Variants in TBX5 observed in about 807,000 individuals in gnomAD.
TBX5 encodes T-box transcription factor 5.
Under a neutral mutation model 51.1 loss-of-function variants are expected in TBX5, and 8 were observed. That is an observed-to-expected ratio of 0.16 (90% CI 0.09 to 0.28). TBX5 has a LOEUF of 0.28. Ranked by LOEUF, TBX5 falls within the 10% of genes least tolerant of loss-of-function variation. The pLI, the probability that TBX5 is intolerant of heterozygous loss-of-function variation, is 1.00. For synonymous variants in TBX5, 302 were observed against 266.4 expected, an observed-to-expected ratio of 1.13 and a Z score of -1.30; for missense variants, 589 against 671.7, an observed-to-expected ratio of 0.88 and a Z score of 1.36.
At chr12:114,399,723 T>C in intron 3 of TBX5, 91 bp from the exon 4 acceptor site, 1 of 1,594,834 alleles carries the variant, frequency 6.3e-7, no homozygotes, top group East Asian at 2.2e-5. Context: ...AAAAAGCAAT[T>C]CCTGGAGAAA....
intron 8 of TBX5, among the ~76,000 whole-genome samples, chr12:114,357,614 T>C (rs191216526): frequency 1.1e-3 from 169 of 152,316 alleles, no homozygotes; most frequent in African/African-American, 4.0e-3. Flanking sequence ...ACAGCTCTTG[T>C]TGCAGGGCTA....
intron 1 of TBX5, 67 bp downstream of exon 1, chr12:114,405,561 C>A: frequency 3.2e-6 from 1 of 314,546 alleles, no homozygotes; most frequent in Non-Finnish European, 4.6e-6. Flanking sequence ...GCCATTCCCG[C>A]CGCCCCAGCC....
rs1868841528 is a variant in TBX5, at chr12:114,355,601, A to G, written c.1488T>C (p.Thr496=). The change falls in exon 9 of 9, where the codon ACT becomes ACC. Residue 496 remains threonine, a synonymous_variant. Coordinates refer to ENST00000405440, the MANE Select transcript of TBX5 (RefSeq NM_181486.4). ...CAGAGTGGTACTGATGAGGGGATAG[A>G]GTCCTTGGCACGCCATGAGAGTAGA... ...EFLYSHGVPR[T]LSPHQYHSVH... is the part of the protein sequence containing the mutation. 3.7e-6 allele frequency: 6 copies of G among 1,614,158 alleles called. No individual in the cohort carries two copies. The highest frequency in any genetic ancestry group is 5.1e-6 in the Non-Finnish European group (6 of 1,180,024).
At chr12:114,358,047 C>T (rs573001260) in intron 8 of TBX5, among the ~76,000 whole-genome samples, 1 of 152,300 alleles carries the variant, frequency 6.6e-6, no homozygotes, top group Admixed American at 6.5e-5. Flanking sequence ...AAGGCAGAAA[C>T]TAAAGCTCAG....
chr12:114,398,435 G>C, intron 5 of TBX5, 138 bp downstream of exon 5: 3 of 1,272,532 alleles, frequency 2.4e-6, no homozygotes, highest in Non-Finnish European at 3.3e-6. Context: ...GGCAGAAAGC[G>C]ACGAAAGTGG....
intron 8 of TBX5, among the ~76,000 whole-genome samples, chr12:114,356,578 A>G (rs1868932985): frequency 6.6e-6 from 1 of 152,146 alleles, no homozygotes; most frequent in Admixed American, 6.5e-5. Flanking sequence ...AAATAAATAA[A>G]TAGCAATTAT....
intron 5 of TBX5, among the ~76,000 whole-genome samples, chr12:114,395,370 G>A (rs1297017412): frequency 1.3e-5 from 2 of 151,960 alleles, no homozygotes; most frequent in African/African-American, 4.8e-5. Context: ...GATATCAAGT[G>A]TTTGGAAAAC....
chr12:114,395,268 G>T (rs1377620374), intron 5 of TBX5, among the ~76,000 whole-genome samples: 1 of 152,084 alleles, frequency 6.6e-6, no homozygotes, highest in Non-Finnish European at 1.5e-5. Flanking sequence ...GGGCACTTTT[G>T]GATTGACAGG....
chr12:114,355,456 GTC>G lies in TBX5; in HGVS notation c.*74_*75del. On this transcript the variant is annotated 3_prime_UTR_variant, in exon 9 of 9. Transcript: ENST00000405440. Reference sequence around the variant, plus strand: ...TGTCCGTGGGGTTCTCTTGGCTACTGTCTCTCTCCTTCTCTCTCTTTCTCCTC... The same window carrying G: ...TGTCCGTGGGGTTCTCTTGGCTACTGTCTCTCCTTCTCTCTCTTTCTCCTC... 6.4e-7 allele frequency: 1 copy of G among 1,560,100 alleles called. No individual in the cohort carries two copies. Among genetic ancestry groups the G allele is most frequent in the Non-Finnish European group, 8.7e-7 (1 of 1,143,370 alleles).
At chr12:114,374,295 G>T (rs1870077595) in intron 7 of TBX5, among the ~76,000 whole-genome samples, 1 of 152,194 alleles carries the variant, frequency 6.6e-6, no homozygotes, top group African/African-American at 2.4e-5. Flanking sequence ...ACGGCTTAGG[G>T]TGGGGATGGA....
intron 7 of TBX5, among the ~76,000 whole-genome samples, chr12:114,367,722 T>C (rs1277500804): frequency 1.3e-5 from 2 of 152,094 alleles, no homozygotes; most frequent in African/African-American, 2.4e-5. Context: ...TATCCAAGTA[T>C]GTGAGAGAAG....
chr12:114,356,145 G>A (rs757596478), intron 8 of TBX5, 39 bp from the exon 9 acceptor site: 14 of 1,588,850 alleles, frequency 8.8e-6, no homozygotes, highest in Middle Eastern at 3.3e-4. Context: ...GCCAGGAGCA[G>A]GCACCAGGCA....
intron 1 of TBX5, among the ~76,000 whole-genome samples, chr12:114,404,348 T>A (rs1035787226): frequency 6.6e-6 from 1 of 152,148 alleles, no homozygotes; most frequent in African/African-American, 2.4e-5. Flanking sequence ...AAAAACCCAG[T>A]GTCCTTTAGA....
Position 114,398,549 on chromosome 12 carries a change from G to C in TBX5, c.510+24C>G. The C allele has an allele frequency of 1.9e-6, 3 of 1,609,794 alleles. No individual in the cohort carries two copies. In the African/African-American group the frequency reaches 4.0e-5, roughly 21 times the overall value. ...GAGAGGACAAGAGGGAGACAAGGCG[G>C]GGAATCCAGGCCACGGTACTCACAT... is the stretch of plus-strand genomic sequence containing the variant. On this transcript the variant is annotated intron_variant, in intron 5 of 8. Coordinates refer to ENST00000405440, the MANE Select transcript of TBX5 (RefSeq NM_181486.4).
Position 114,366,414 on chromosome 12 carries a change from T to A in TBX5, c.756-23A>T, listed in dbSNP as rs571667858. On this transcript the variant is annotated intron_variant, in intron 7 of 8. Coordinates refer to ENST00000405440, the MANE Select transcript of TBX5 (RefSeq NM_181486.4). ...TTACTGAAAGAGAAAAGATGGGAGA[T>A]AACGCCTATCAGTGCCCTGATACAG... The A allele has an allele frequency of 2.5e-6, 4 of 1,611,424 alleles. No homozygotes were observed. The Admixed American group carries it at 5.0e-5, about 20-fold the overall frequency.
At chr12:114,368,750 CT>C (rs1312099365) in intron 7 of TBX5, among the ~76,000 whole-genome samples, 3 of 152,148 alleles carry the variant, frequency 2.0e-5, no homozygotes, top group Non-Finnish European at 4.4e-5. Flanking sequence ...ATGTCCCTGC[CT>C]TTGTTTGTCA....
chr12:114,366,549 A>G (rs1029274901), intron 7 of TBX5, among the ~76,000 whole-genome samples, 158 bp from the exon 8 acceptor site: 4 of 152,222 alleles, frequency 2.6e-5, no homozygotes, highest in African/African-American at 7.2e-5. Flanking sequence ...ATTCATGTCC[A>G]TCATATTTCA....
chr12:114,371,546 G>A (rs1180113377), intron 7 of TBX5, among the ~76,000 whole-genome samples: 1 of 151,512 alleles, frequency 6.6e-6, no homozygotes, highest in African/African-American at 2.4e-5. Flanking sequence ...CCTTTTCATG[G>A]GAGCAGGTGG....
chr12:114,364,900 G>T (rs933875154), intron 8 of TBX5, among the ~76,000 whole-genome samples: 1 of 152,088 alleles, frequency 6.6e-6, no homozygotes, highest in Non-Finnish European at 1.5e-5. Context: ...TGTCCCCAAA[G>T]GCTGCAGTCT....
Sources: allele counts gnomAD v4.1 joint callset (sites outside exome capture counted in the v4.1 genomes callset), GRCh38; gene constraint gnomAD v4.1.1; transcripts MANE v1.5; gene names NCBI Gene and HGNC (gene_info 2026-07-23, HGNC 2026-07-21).